The following GCFC2 variants were observed in gnomAD, a reference collection of about 807,000 sequenced individuals.
GCFC2 encodes intron Large complex component GCFC2.
Under a neutral mutation model 99.4 loss-of-function variants are expected in GCFC2, and 102 were observed. The ratio of observed to expected loss-of-function variants is 1.03; its 90% CI spans 0.87 to 1.21. The LOEUF is 1.21. Among genes scored for constraint, GCFC2 ranks in the 50% most tolerant of loss-of-function variants. The pLI, the probability that GCFC2 is intolerant of heterozygous loss-of-function variation, is 0.00. For missense variants in GCFC2, 973 were observed against 920.9 expected (o/e 1.06, Z -0.73); for synonymous variants, 338 against 316.8 (o/e 1.07, Z -0.71).
chr2:75,708,244 T>C (rs1239742624), intron 1 of GCFC2, among the ~76,000 whole-genome samples: 1 of 152,178 alleles, frequency 6.6e-6, no homozygotes, highest in Non-Finnish European at 1.5e-5. Context: ...AAACTTATAT[T>C]CTCTACTGTG....
intron 8 of GCFC2, 39 bp from the exon 9 acceptor site, chr2:75,690,120 G>A (rs757026845): frequency 5.1e-6 from 6 of 1,169,740 alleles, no homozygotes; most frequent in Non-Finnish European, 7.5e-6. Context: ...CAAAAAGTAA[G>A]TAGTTCTTGC....
intron 8 of GCFC2, 126 bp downstream of exon 8, chr2:75,690,512 A>AT: frequency 1.5e-6 from 1 of 645,812 alleles, no homozygotes; most frequent in South Asian, 1.8e-5. Flanking sequence ...TTGCTTTTCT[A>AT]TTATTCTTAC....
chr2:75,695,904 C>G (rs1218512024), intron 5 of GCFC2, among the ~76,000 whole-genome samples: 1 of 152,148 alleles, frequency 6.6e-6, no homozygotes, highest in Non-Finnish European at 1.5e-5. Flanking sequence ...CTACTTAGAA[C>G]AGCATGCAAT....
chr2:75,701,505 A>C (rs187143514), intron 3 of GCFC2: 1 of 497,838 alleles, frequency 2.0e-6, no homozygotes, highest in East Asian at 3.4e-5. Context: ...GACTATGTTG[A>C]AGCTGGAAGC....
Position 75,689,215 on chromosome 2 carries a change from TA to T in GCFC2, c.1349del (p.Leu450TyrfsTer23). On this transcript the variant is annotated frameshift_variant, in exon 10 of 17. Coordinates refer to ENST00000321027, the MANE Select transcript of GCFC2 (RefSeq NM_003203.5). LOFTEE classifies it high-confidence loss of function. Reference protein sequence around the residue: ...IDFQKSQGDILQKQKKVFEEV... With the variant: ...IDFQKSQGDIXQKQKKVFEEV... The stretch of plus-strand genomic sequence containing the variant: ...CTTCAAAAACTTTCTTCTGTTTCTG[TA>T]AAATGTCACCTGTAAACAAAATAAG... The T allele has an allele frequency of 6.4e-7, 1 of 1,573,100 alleles. No homozygotes were observed.
chr2:75,712,559 G>A (rs1422601387), upstream of GCFC2, among the ~76,000 whole-genome samples: 1 of 152,194 alleles, frequency 6.6e-6, no homozygotes, highest in Non-Finnish European at 1.5e-5. Flanking sequence ...GCCCCAGCCA[G>A]CAGTGGCAAC....
chr2:75,712,138 A>G (rs537071541), upstream of GCFC2, among the ~76,000 whole-genome samples: 13 of 116,910 alleles, frequency 1.1e-4, no homozygotes, highest in Middle Eastern at 4.2e-3. Context: ...AAACACACCA[A>G]TCAGCACCCT....
In GCFC2 at chr2:75,694,231, T is replaced by G. The variant is rs1303962914; in HGVS notation, c.1020+10A>C. On this transcript the variant is annotated intron_variant, in intron 6 of 16. Coordinates refer to ENST00000321027, the MANE Select transcript of GCFC2 (RefSeq NM_003203.5). ...AAAAGGAAATGATATAAATAAATAT[T>G]GATATGTACCTTTTCATTAAGGCAG... 1 of 701,112 alleles carries G rather than the reference T, an allele frequency of 1.4e-6. No homozygotes were observed. Among genetic ancestry groups the G allele is most frequent in the Non-Finnish European group, 2.4e-6 (1 of 423,184 alleles). 43.4% of individuals were successfully genotyped at this position (701,112 alleles called of 1,614,324 possible).
At chr2:75,674,566 A>G (rs758983646) in intron 12 of GCFC2, among the ~76,000 whole-genome samples, 1 of 152,114 alleles carries the variant, frequency 6.6e-6, no homozygotes, top group Non-Finnish European at 1.5e-5. Context: ...ATGAAAGACA[A>G]TGAGTGTTTA....
Position 75,664,626 on chromosome 2 carries a change from T to A in GCFC2, c.*40A>T, listed in dbSNP as rs1247742957. 1.2e-6 allele frequency: 1 copy of A among 861,066 alleles called. No individual in the cohort carries two copies. The highest frequency in any genetic ancestry group is 1.9e-5 in the Admixed American group (1 of 52,688). 53.3% of individuals were successfully genotyped at this position (861,066 alleles called of 1,614,324 possible). A position where few individuals can be genotyped will look rare whatever the true frequency, so the allele number is the denominator to read the frequency against. On this transcript the variant is annotated 3_prime_UTR_variant, in exon 17 of 17. Transcript: ENST00000321027. ...TCTTCTCAAACAAAGGAACTGAGTG[T>A]AACTATATTAAAATTTTAGCATTTT...
intron 11 of GCFC2, among the ~76,000 whole-genome samples, chr2:75,683,147 T>G (rs1679651843): frequency 6.6e-6 from 1 of 151,678 alleles, no homozygotes; most frequent in Non-Finnish European, 1.5e-5. Flanking sequence ...AATTGTCAGA[T>G]TCACCAAGGT....
rs1180507363 is a variant in GCFC2, at chr2:75,662,735, T to TATC, written c.*1928_*1930dup. On this transcript the variant is annotated 3_prime_UTR_variant, in exon 17 of 17. Transcript: ENST00000321027. ...AGTTTTGAAAGCAGTTTTAATATTT[T>TATC]ATCTTCCACAAAAAGGTAGGAAAGT... 1 of 152,146 alleles carries TATC rather than the reference T, an allele frequency of 6.6e-6. No homozygotes were observed. Among genetic ancestry groups the TATC allele is most frequent in the African/African-American group, 2.4e-5 (1 of 41,442 alleles). 9.4% of individuals were successfully genotyped at this position (152,146 alleles called of 1,614,324 possible).
Position 75,663,031 on chromosome 2 carries a change from G to A in GCFC2, c.*1635C>T, listed in dbSNP as rs1678673758. On this transcript the variant is annotated 3_prime_UTR_variant, in exon 17 of 17. Coordinates refer to ENST00000321027, the MANE Select transcript of GCFC2 (RefSeq NM_003203.5). ...AGTTATCTCTGGGGACAGCGGTTGT[G>A]TGGAAATGCTAACTGCTTTTCAACA... The A allele has an allele frequency of 6.6e-6, 1 of 152,072 alleles. No individual in the cohort carries two copies. The highest frequency in any genetic ancestry group is 1.5e-5 in the Non-Finnish European group (1 of 68,000). The allele number at this position is 152,072 out of a possible 1,614,324, so 9.4% of individuals were successfully genotyped here.
chr2:75,671,700 C>G (rs1400174464), intron 14 of GCFC2, among the ~76,000 whole-genome samples: 1 of 152,070 alleles, frequency 6.6e-6, no homozygotes, highest in Non-Finnish European at 1.5e-5. Flanking sequence ...ATATTTTGTA[C>G]CATGAGGAAA....
intron 12 of GCFC2, among the ~76,000 whole-genome samples, chr2:75,675,301 TA>T (rs1679283849): frequency 6.6e-6 from 1 of 152,208 alleles, no homozygotes; most frequent in African/African-American, 2.4e-5. Flanking sequence ...TGTATATATT[TA>T]AAATGGAAGG....
chr2:75,668,577 T>G (rs1678951825), intron 15 of GCFC2, among the ~76,000 whole-genome samples: 1 of 152,178 alleles, frequency 6.6e-6, no homozygotes, highest in Non-Finnish European at 1.5e-5. Flanking sequence ...TCCCATATTC[T>G]TAAAAATTCT....
chr2:75,703,344 T>C (rs1433060724), intron 2 of GCFC2, among the ~76,000 whole-genome samples: 1 of 152,142 alleles, frequency 6.6e-6, no homozygotes, highest in Non-Finnish European at 1.5e-5. Flanking sequence ...CCCAAATTCT[T>C]TGAGAAATAA....
In GCFC2 at chr2:75,681,157, C is replaced by T. The variant is rs1445722264; in HGVS notation, c.1691-843G>A. Among the ~76,000 whole-genome samples the T allele has an allele frequency of 3.3e-5, 5 of 152,296 alleles. No individual in the cohort carries two copies. In the South Asian group the frequency reaches 8.3e-4, roughly 25 times the overall value. On this transcript the variant is annotated intron_variant, in intron 11 of 16. Transcript: ENST00000321027. ...GGCTGCCAAGATGGCCGAATAGGAA[C>T]AGCTCCAGTCTACAGCTCCCAGCGA...
At chr2:75,689,345 T>C in intron 9 of GCFC2, 120 bp from the exon 10 acceptor site, 1 of 562,750 alleles carries the variant, frequency 1.8e-6, no homozygotes. Context: ...TTTATATTAA[T>C]ATAAATTTTT....
Sources: allele counts gnomAD v4.1 joint callset (sites outside exome capture counted in the v4.1 genomes callset), GRCh38; gene constraint gnomAD v4.1.1; transcripts MANE v1.5; gene names NCBI Gene and HGNC (gene_info 2026-07-23, HGNC 2026-07-21).